Variants in PKIB observed in about 807,000 individuals in gnomAD.
PKIB encodes PKI-beta.
PKIB carries 2 observed loss-of-function variants against 4.5 expected under a neutral mutation model. That is an observed-to-expected ratio of 0.44 (90% CI 0.18 to 1.39). PKIB has a LOEUF of 1.39. PKIB is among the 40% of genes most tolerant of loss of function. PKIB has a pLI of 0.27. For missense variants in PKIB, 94 were observed against 92.6 expected (o/e 1.02, Z -0.06); for synonymous variants, 38 against 36.0 (o/e 1.06, Z -0.20).
chr6:122,498,365 C>T (rs1776134739), intron 2 of PKIB, among the ~76,000 whole-genome samples: 1 of 152,194 alleles, frequency 6.6e-6, no homozygotes, highest in South Asian at 2.1e-4. Context: ...AGACCTGCCC[C>T]CATAATTCAA....
chr6:122,692,252 A>G (rs1253118402), intron 3 of PKIB, among the ~76,000 whole-genome samples: 1 of 152,250 alleles, frequency 6.6e-6, no homozygotes, highest in Non-Finnish European at 1.5e-5. Context: ...TAGCAAAGCC[A>G]GTCAGACCTG....
chr6:122,723,506 A>G (rs1182607471), intron 4 of PKIB, among the ~76,000 whole-genome samples: 6 of 152,066 alleles, frequency 3.9e-5, no homozygotes, highest in African/African-American at 7.2e-5. Flanking sequence ...CTATCAGTGA[A>G]TACTGTCAGC....
intron 2 of PKIB, among the ~76,000 whole-genome samples, chr6:122,532,410 T>A (rs197676): frequency 0.8 from 122,323 of 152,098 alleles, 49,421 homozygotes; most frequent in South Asian, 0.92. Flanking sequence ...CTTTTTAAAC[T>A]TTTTTTTAAG....
chr6:122,528,476 G>A (rs1777160206), intron 2 of PKIB, among the ~76,000 whole-genome samples: 1 of 152,144 alleles, frequency 6.6e-6, no homozygotes, highest in Non-Finnish European at 1.5e-5. Flanking sequence ...AGAGATCAAG[G>A]TCCCTGCATG....
intron 2 of PKIB, among the ~76,000 whole-genome samples, chr6:122,527,229 GTT>G (rs1491322989): frequency 1.3e-5 from 2 of 152,018 alleles, no homozygotes; most frequent in Non-Finnish European, 2.9e-5. Flanking sequence ...CACTCAAACT[GTT>G]TTCCTTTCAG....
chr6:122,595,747 A>C (rs1169982302), intron 3 of PKIB, among the ~76,000 whole-genome samples: 1 of 152,150 alleles, frequency 6.6e-6, no homozygotes, highest in Admixed American at 6.5e-5. Flanking sequence ...GTGAAAGTCC[A>C]TGTTGCTGAG....
intron 3 of PKIB, among the ~76,000 whole-genome samples, chr6:122,716,286 G>A (rs1276674900): frequency 3.3e-5 from 5 of 152,090 alleles, no homozygotes; most frequent in African/African-American, 4.8e-5. Flanking sequence ...GTTATATAGG[G>A]GAGGAACTGT....
At chr6:122,717,407 A>G (rs1779542053) in intron 3 of PKIB, among the ~76,000 whole-genome samples, 1 of 152,138 alleles carries the variant, frequency 6.6e-6, no homozygotes, top group African/African-American at 2.4e-5. Flanking sequence ...ACCACAAGCA[A>G]ATACTGGCAG....
chr6:122,694,492 G>A (rs1187749941), intron 3 of PKIB, among the ~76,000 whole-genome samples: 2 of 152,112 alleles, frequency 1.3e-5, no homozygotes, highest in African/African-American at 2.4e-5. Context: ...GAGCTAATTT[G>A]CTTTAAATTC....
intron 2 of PKIB, among the ~76,000 whole-genome samples, chr6:122,490,843 C>T (rs530155770): frequency 4.3e-4 from 65 of 152,280 alleles, no homozygotes; most frequent in African/African-American, 1.6e-3. Flanking sequence ...TGTGATACAG[C>T]CCAGCTTTAG....
chr6:122,693,132 A>G (rs909087812), intron 3 of PKIB, among the ~76,000 whole-genome samples: 5 of 152,200 alleles, frequency 3.3e-5, no homozygotes, highest in Admixed American at 1.3e-4. Flanking sequence ...AAAATGTAGA[A>G]CATTCTATCC....
chr6:122,545,274 G>A (rs1772457857), intron 2 of PKIB, among the ~76,000 whole-genome samples: 1 of 151,972 alleles, frequency 6.6e-6, no homozygotes, highest in Non-Finnish European at 1.5e-5. Context: ...GAAAAAAAAT[G>A]TAGTATATAT....
chr6:122,694,217 CTG>C (rs1778468166), intron 3 of PKIB, among the ~76,000 whole-genome samples: 1 of 151,742 alleles, frequency 6.6e-6, no homozygotes, highest in Admixed American at 6.6e-5. Context: ...TATTCTCAAA[CTG>C]TGTGACCACA....
At chr6:122,647,268 T>C (rs991526927) in intron 2 of PKIB, among the ~76,000 whole-genome samples, 9 of 152,204 alleles carry the variant, frequency 5.9e-5, no homozygotes, top group Admixed American at 6.5e-5. Context: ...ACTAAGATAT[T>C]GAGGATAATC....
At chr6:122,712,211 A>G (rs1300755002) in intron 3 of PKIB, among the ~76,000 whole-genome samples, 1 of 152,172 alleles carries the variant, frequency 6.6e-6, no homozygotes. Flanking sequence ...AGAAAGATCA[A>G]ACTGTGTCTC....
chr6:122,617,771 A>G (rs1258293130), intron 1 of PKIB, among the ~76,000 whole-genome samples: 1 of 152,168 alleles, frequency 6.6e-6, no homozygotes, highest in East Asian at 1.9e-4. Flanking sequence ...ATCTAGAATT[A>G]TTTTACATAA....
intron 1 of PKIB, among the ~76,000 whole-genome samples, chr6:122,615,293 C>T (rs1318945483): frequency 6.6e-6 from 1 of 152,050 alleles, no homozygotes; most frequent in Non-Finnish European, 1.5e-5. Flanking sequence ...CTGAAGGCTA[C>T]TGGAAGGACT....
chr6:122,698,469 C>G (rs1778663517), intron 3 of PKIB, among the ~76,000 whole-genome samples: 1 of 152,144 alleles, frequency 6.6e-6, no homozygotes, highest in Admixed American at 6.6e-5. Context: ...GGCTCAAAGT[C>G]TGTGAGACCC....
intron 2 of PKIB, among the ~76,000 whole-genome samples, chr6:122,570,396 C>T (rs1773326560): frequency 6.6e-6 from 1 of 152,180 alleles, no homozygotes. Context: ...ACAACCAGTG[C>T]CTACCCAGGG....
Sources: gnomAD v4.1 joint callset for allele counts (sites outside exome capture counted in the v4.1 genomes callset) on GRCh38, gnomAD v4.1.1 for gene constraint, MANE v1.5 for transcripts, NCBI Gene and HGNC (gene_info 2026-07-23, HGNC 2026-07-21) for gene names.